COL4A5: variants seen among roughly 807,000 people sequenced by gnomAD.
COL4A5 encodes collagen type IV alpha 5 chain, also known as collagen alpha-5(IV) chain.
A neutral mutation model predicts 130.2 loss-of-function variants in COL4A5; 26 were observed. That is an observed-to-expected ratio of 0.20 (90% CI 0.15 to 0.28). COL4A5 has a LOEUF of 0.28. COL4A5 is among the 10% of genes least tolerant of loss of function. The pLI is 1.00. For missense variants in COL4A5, 1,131 were observed against 1,344.3 expected (o/e 0.84, Z 2.48); for synonymous variants, 496 against 439.6 (o/e 1.13, Z -1.60).
At chrX:108,512,170 A>G (rs1293427352) in intron 1 of COL4A5, among the ~76,000 whole-genome samples, 1 of 112,286 alleles carries the variant, frequency 8.9e-6, no homozygotes. Context: ...ATTCCATAAG[A>G]TGAAATGCAG....
intron 19 of COL4A5, among the ~76,000 whole-genome samples, chrX:108,587,326 CT>C (rs59169605): frequency 6.8e-4 from 71 of 103,813 alleles, no homozygotes; most frequent in Admixed American, 8.2e-4. Context: ...ATGAGATCAA[CT>C]TTTTTTTTTT....
At chrX:108,477,479 T>C (rs375283467) in intron 1 of COL4A5, among the ~76,000 whole-genome samples, 58 of 111,563 alleles carry the variant, frequency 5.2e-4, no homozygotes, top group African/African-American at 1.8e-3. Context: ...AATGAAGATA[T>C]TAGTACAAGT....
intron 1 of COL4A5, among the ~76,000 whole-genome samples, chrX:108,519,295 C>T (rs1465901536): frequency 9.0e-6 from 1 of 111,026 alleles, no homozygotes; most frequent in African/African-American, 3.3e-5. Flanking sequence ...GGAATATCTT[C>T]TACAAGTTTA....
intron 1 of COL4A5, among the ~76,000 whole-genome samples, chrX:108,534,618 A>G (rs1005701984): frequency 9.0e-6 from 1 of 111,008 alleles, no homozygotes; most frequent in Non-Finnish European, 1.9e-5. Flanking sequence ...GATGAAGAGA[A>G]CTGGGTTCTT....
rs104886295 is a variant in COL4A5 at position 108,692,912 on chromosome X, C to G, written c.4693C>G (p.Pro1565Ala). 1.9e-5 allele frequency: 23 copies of G among 1,211,450 alleles called. No homozygotes were observed. Among genetic ancestry groups the G allele is most frequent in the Non-Finnish European group, 2.5e-5 (22 of 895,319 alleles). The change falls in exon 50 of 53, where the codon CCA becomes GCA. Residue 1565 changes from proline to alanine, a missense_variant. Transcript: ENST00000328300. Reference protein sequence around the residue: ...MQPLKGQSIQPFISRCAVCEA... With the variant: ...MQPLKGQSIQAFISRCAVCEA... ...ACCCCTAAAGGGCCAGAGCATCCAG[C>G]CATTCATTAGTCGGTAAGGCATTGA...
chrX:108,503,619 A>G, intron 1 of COL4A5, among the ~76,000 whole-genome samples: 1 of 111,956 alleles, frequency 8.9e-6, no homozygotes, highest in East Asian at 2.8e-4. Context: ...ACCAACAACA[A>G]TGAAGCTGAG....
At chrX:108,545,420 C>G (rs762036155) in intron 2 of COL4A5, among the ~76,000 whole-genome samples, 5 of 111,138 alleles carry the variant, frequency 4.5e-5, no homozygotes, top group South Asian at 4.0e-4. Flanking sequence ...GAGCAGTTTT[C>G]AGTGAGTTTC....
intron 36 of COL4A5, among the ~76,000 whole-genome samples, chrX:108,650,264 CA>C (rs200329020): frequency 0.092 from 10,151 of 110,357 alleles, 1,091 homozygotes; most frequent in African/African-American, 0.3. Flanking sequence ...ATCAAAAGAT[CA>C]AAAAATAGGA....
chrX:108,452,006 G>A (rs1253479237), intron 1 of COL4A5, among the ~76,000 whole-genome samples: 1 of 111,886 alleles, frequency 8.9e-6, no homozygotes, highest in Non-Finnish European at 1.9e-5. Flanking sequence ...TTTGTATAAG[G>A]TGTAAGGAAG....
At chrX:108,455,289 A>T (rs771908355) in intron 1 of COL4A5, among the ~76,000 whole-genome samples, 3 of 112,206 alleles carry the variant, frequency 2.7e-5, no homozygotes, top group Non-Finnish European at 3.8e-5. Flanking sequence ...ATTTTATTGC[A>T]CAGTAGAATT....
chrX:108,464,824 T>C (rs1473849439), intron 1 of COL4A5, among the ~76,000 whole-genome samples: 1 of 112,447 alleles, frequency 8.9e-6, no homozygotes, highest in East Asian at 2.8e-4. Context: ...GAAGCGTTCC[T>C]CATGGGAGTT....
intron 1 of COL4A5, among the ~76,000 whole-genome samples, chrX:108,455,046 T>A (rs758961311): frequency 1.8e-5 from 2 of 112,269 alleles, no homozygotes; most frequent in Non-Finnish European, 3.8e-5. Flanking sequence ...ATAATGAACA[T>A]GTAAATTGCT....
At chrX:108,628,654 A>T (rs2067196649) in intron 36 of COL4A5, among the ~76,000 whole-genome samples, 1 of 111,793 alleles carries the variant, frequency 8.9e-6, no homozygotes, top group African/African-American at 3.2e-5. Flanking sequence ...AGATGCATCC[A>T]CTGTCTGTTA....
chrX:108,608,478 A>G (rs1160803087), intron 29 of COL4A5, among the ~76,000 whole-genome samples: 2 of 110,958 alleles, frequency 1.8e-5, no homozygotes, highest in Admixed American at 9.6e-5. Flanking sequence ...TACTGTCAAC[A>G]TTTTACTATA....
intron 36 of COL4A5, among the ~76,000 whole-genome samples, chrX:108,631,601 T>C (rs1261982849): frequency 1.8e-5 from 2 of 111,118 alleles, no homozygotes; most frequent in African/African-American, 6.6e-5. Flanking sequence ...CCTCAGCAAA[T>C]GTAAAAGAAC....
intron 43 of COL4A5, chrX:108,676,872 C>G (rs930924102): frequency 1.8e-5 from 2 of 112,240 alleles, no homozygotes; most frequent in Non-Finnish European, 3.8e-5. Flanking sequence ...GAACTAGCAG[C>G]TTTAGCTTCC....
At position 108,626,343 on chromosome X, in the gene COL4A5, T is replaced by A. The variant is rs751251245; in HGVS notation, c.3240T>A (p.Gly1080=). The A allele has an allele frequency of 8.3e-7, 1 of 1,211,000 alleles. No homozygotes were observed. The change falls in exon 36 of 53, where the codon GGT becomes GGA. Residue 1080 remains glycine, a synonymous_variant. Coordinates refer to ENST00000328300, the MANE Select transcript of COL4A5 (RefSeq NM_033380.3). ...GCATTGGTCTTCCAGGTCTTCCTGG[T>A]CCAAAGGTAATCTTTGGCATATAGT... is the stretch of plus-strand genomic sequence containing the variant. The part of the protein sequence containing the change: ...ISSIGLPGLP[G]PKGEPGLPGY...
chrX:108,580,507 A>T, intron 13 of COL4A5, 26 bp from the exon 14 acceptor site: 2 of 1,178,067 alleles, frequency 1.7e-6, no homozygotes, highest in Non-Finnish European at 2.3e-6. Context: ...ATTAACATTG[A>T]TTTCCTTTCC....
chrX:108,674,874 A>G, intron 43 of COL4A5, 121 bp downstream of exon 43: 2 of 670,414 alleles, frequency 3.0e-6, no homozygotes, highest in Admixed American at 7.6e-5. Context: ...GTTATCCTCA[A>G]GCTGGGGTTT....
Sources: allele counts gnomAD v4.1 joint callset (sites outside exome capture counted in the v4.1 genomes callset), GRCh38; gene constraint gnomAD v4.1.1; transcripts MANE v1.5; gene names NCBI Gene and HGNC (gene_info 2026-07-23, HGNC 2026-07-21).